The following MAST4 variants were observed in gnomAD, a reference collection of about 807,000 sequenced individuals.
MAST4 encodes the protein microtubule associated serine/threonine kinase family member 4, also known as microtubule-associated serine/threonine-protein kinase 4.
In MAST4, 89 loss-of-function variants were observed where a neutral mutation model predicts 162.7. That is an observed-to-expected ratio of 0.55 (90% CI 0.46 to 0.65). MAST4 has a LOEUF of 0.65. Ranked by LOEUF, MAST4 falls within the 30% of genes least tolerant of loss-of-function variation. The pLI is 0.00. For synonymous variants in MAST4, 1,479 were observed against 1,361.1 expected, an observed-to-expected ratio of 1.09 and a Z score of -1.91; for missense variants, 3,153 against 3,374.0, an observed-to-expected ratio of 0.93 and a Z score of 1.62.
chr5:66,863,305 T>C (rs1206025515), intron 3 of MAST4, among the ~76,000 whole-genome samples: 2 of 152,218 alleles, frequency 1.3e-5, no homozygotes, highest in Admixed American at 1.3e-4. Context: ...CATAGGCACG[T>C]CCACAGTGTT....
At chr5:66,942,372 C>T (rs1211603572) in intron 4 of MAST4, among the ~76,000 whole-genome samples, 2 of 152,156 alleles carry the variant, frequency 1.3e-5, no homozygotes, top group East Asian at 3.9e-4. Flanking sequence ...CTGATAGTAC[C>T]CATGGTAATT....
chr5:66,872,736 A>T (rs1580724077), intron 3 of MAST4, among the ~76,000 whole-genome samples: 1 of 152,170 alleles, frequency 6.6e-6, no homozygotes, highest in East Asian at 1.9e-4. Flanking sequence ...GTAGAGCACA[A>T]CTCAGAGTAC....
rs901515596 is a variant in MAST4, at chr5:66,835,465, TA to T, written c.642+46680del. ...GAGTAGTGTGGTTTTATTTATTATA[TA>T]AAAAAAAAGTTGCCTCAAAAGATTT... On this transcript the variant is annotated intron_variant, in intron 3 of 28. Coordinates refer to ENST00000403625, the MANE Select transcript of MAST4 (RefSeq NM_001164664.2). Among the ~76,000 whole-genome samples the T allele has an allele frequency of 2.0e-4, 30 of 151,288 alleles. No individual in the cohort carries two copies. In the East Asian group the frequency reaches 3.1e-3, roughly 16 times the overall value.
At chr5:66,803,816 T>C (rs1051507757) in intron 3 of MAST4, among the ~76,000 whole-genome samples, 1 of 152,168 alleles carries the variant, frequency 6.6e-6, no homozygotes, top group Non-Finnish European at 1.5e-5. Context: ...TCTTTTTTCT[T>C]ATTTTCACTA....
intron 2 of MAST4, among the ~76,000 whole-genome samples, chr5:66,763,392 A>G (rs1338308092): frequency 6.6e-6 from 1 of 152,176 alleles, no homozygotes; most frequent in Non-Finnish European, 1.5e-5. Flanking sequence ...TAAAATTCAC[A>G]CATTGGTCGA....
At chr5:66,780,611 A>T (rs258259) in intron 2 of MAST4, among the ~76,000 whole-genome samples, 1 of 152,096 alleles carries the variant, frequency 6.6e-6, no homozygotes, top group Non-Finnish European at 1.5e-5. Context: ...CCACAGTGTG[A>T]AAAGGGACCC....
chr5:66,984,906 A>C (rs1383250239), intron 4 of MAST4, among the ~76,000 whole-genome samples: 3 of 152,150 alleles, frequency 2.0e-5, no homozygotes, highest in Non-Finnish European at 2.9e-5. Context: ...GAAAATTAAA[A>C]GTTTTGTTTT....
chr5:67,149,029 C>A (rs1407456982), intron 23 of MAST4, among the ~76,000 whole-genome samples: 1 of 152,018 alleles, frequency 6.6e-6, no homozygotes, highest in African/African-American at 2.4e-5. Context: ...CATGGCACAG[C>A]CTTTCATGGT....
Position 66,995,561 on chromosome 5 carries a change from C to T in MAST4, c.675-58843C>T, listed in dbSNP as rs1411575935. Among the ~76,000 whole-genome samples the T allele has an allele frequency of 2.0e-5, 3 of 152,298 alleles. No homozygotes were observed. In the South Asian group the frequency reaches 6.2e-4, roughly 32 times the overall value. The stretch of plus-strand genomic sequence containing the variant: ...GGGACTATCGGCACCCGCCACCATA[C>T]CCAGCTAATTTTTGTATTTTTAGTA... On this transcript the variant is annotated intron_variant, in intron 4 of 28. Coordinates refer to ENST00000403625, the MANE Select transcript of MAST4 (RefSeq NM_001164664.2).
chr5:66,725,962 GC>G (rs1561288460), intron 1 of MAST4, among the ~76,000 whole-genome samples: 3 of 152,002 alleles, frequency 2.0e-5, no homozygotes, highest in Non-Finnish European at 4.4e-5. Flanking sequence ...AATTTAGCTG[GC>G]ATTCCTGGTT....
At chr5:66,742,743 C>T (rs1304877300) in intron 1 of MAST4, among the ~76,000 whole-genome samples, 1 of 152,102 alleles carries the variant, frequency 6.6e-6, no homozygotes, top group Non-Finnish European at 1.5e-5. Context: ...CTCTTGTAAC[C>T]TACAGGAGAG....
chr5:67,107,818 A>G (rs1357790904), intron 10 of MAST4, among the ~76,000 whole-genome samples: 3 of 152,234 alleles, frequency 2.0e-5, no homozygotes, highest in African/African-American at 4.8e-5. Flanking sequence ...CACTTAGAGA[A>G]GTTTAGCCAA....
chr5:66,844,172 TGTGTGTGTGTGTG>T (rs1758638608), intron 3 of MAST4, among the ~76,000 whole-genome samples: 2 of 149,500 alleles, frequency 1.3e-5, no homozygotes, highest in African/African-American at 4.9e-5. Flanking sequence ...TGTGTGTGTG[TGTGTGTGTGTGTG>T]TGTGTGTGTG....
At chr5:66,785,669 T>A (rs527513171) in intron 2 of MAST4, among the ~76,000 whole-genome samples, 50 of 152,182 alleles carry the variant, frequency 3.3e-4, no homozygotes, top group Non-Finnish European at 5.3e-4. Context: ...TGTTCAGTGG[T>A]TTTCTTCCTT....
chr5:66,825,150 CTT>C (rs1172022360), intron 3 of MAST4, among the ~76,000 whole-genome samples: 1 of 152,114 alleles, frequency 6.6e-6, no homozygotes, highest in African/African-American at 2.4e-5. Context: ...CGCAATATCA[CTT>C]AGCTTAAAAC....
In MAST4 at chr5:67,102,615, A is replaced by G. The variant is rs377445977; in HGVS notation, c.1146+4A>G. 5 of 1,609,954 alleles carry G rather than the reference A, an allele frequency of 3.1e-6. No homozygotes were observed. The African/African-American group carries it at 4.0e-5, about 13-fold the overall frequency. ...CTACAAAGAAAGGTTCCCAAAGGTA[A>G]TGAATTGAATTGAAGATGCCTAGCA... On this transcript the variant is annotated splice_donor_region_variant and intron_variant, in intron 9 of 28. Coordinates refer to ENST00000403625, the MANE Select transcript of MAST4 (RefSeq NM_001164664.2).
At chr5:66,773,848 T>C (rs1029856685) in intron 2 of MAST4, among the ~76,000 whole-genome samples, 1 of 152,230 alleles carries the variant, frequency 6.6e-6, no homozygotes, top group African/African-American at 2.4e-5. Flanking sequence ...TCCATTATTA[T>C]GTTGTAGCGG....
intron 2 of MAST4, 115 bp downstream of exon 2, chr5:66,759,977 C>A: frequency 1.9e-6 from 2 of 1,036,778 alleles, no homozygotes; most frequent in Non-Finnish European, 2.6e-6. Context: ...CCTCTGCAGA[C>A]CATTTCATAA....
intron 4 of MAST4, among the ~76,000 whole-genome samples, chr5:66,954,475 A>C (rs191105078): frequency 2.0e-5 from 3 of 152,228 alleles, no homozygotes; most frequent in Admixed American, 6.5e-5. Flanking sequence ...TTGAATATTT[A>C]TGTGGGCTGC....
Sources: gnomAD v4.1 joint callset for allele counts (sites outside exome capture counted in the v4.1 genomes callset) on GRCh38, gnomAD v4.1.1 for gene constraint, MANE v1.5 for transcripts, NCBI Gene and HGNC (gene_info 2026-07-23, HGNC 2026-07-21) for gene names.